The following NAALADL2 variants were observed in gnomAD, a reference collection of about 807,000 sequenced individuals.
NAALADL2 encodes the protein N-acetylated alpha-linked acidic dipeptidase like 2, also known as inactive N-acetylated-alpha-linked acidic dipeptidase-like protein 2.
NAALADL2 carries 76 observed loss-of-function variants against 87.2 expected under a neutral mutation model. The observed-to-expected ratio is 0.87, with a 90% CI of 0.72 to 1.05. NAALADL2 has a LOEUF of 1.05. Ranked by LOEUF, NAALADL2 falls within the 50% of genes least tolerant of loss-of-function variation. The pLI is 0.00. For synonymous variants in NAALADL2, 354 were observed against 331.0 expected (o/e 1.07, Z -0.75); for missense variants, 1,089 against 945.8 (o/e 1.15, Z -1.99).
chr3:175,592,476 CT>C (rs750390161), intron 10 of NAALADL2, among the ~76,000 whole-genome samples: 4 of 151,800 alleles, frequency 2.6e-5, no homozygotes, highest in Non-Finnish European at 5.9e-5. Context: ...CTGTAGTTAC[CT>C]TTTCACGACC....
chr3:175,081,830 T>C (rs555962437), intron 1 of NAALADL2, among the ~76,000 whole-genome samples: 2 of 152,194 alleles, frequency 1.3e-5, no homozygotes, highest in Non-Finnish European at 2.9e-5. Flanking sequence ...GAACCATTTA[T>C]TGTACATTTT....
chr3:175,173,215 C>G (rs1026577807), intron 2 of NAALADL2, among the ~76,000 whole-genome samples: 1 of 151,810 alleles, frequency 6.6e-6, no homozygotes, highest in African/African-American at 2.4e-5. Context: ...TGGTGTGAAC[C>G]CGGGAGGCGG....
At chr3:174,835,689 A>G (rs1723252895) in intron 3 of NAALADL2, among the ~76,000 whole-genome samples, 3 of 152,180 alleles carry the variant, frequency 2.0e-5, no homozygotes, top group Admixed American at 2.0e-4. Context: ...TTAAATGTGC[A>G]AATAAGTTGA....
intron 3 of NAALADL2, among the ~76,000 whole-genome samples, chr3:174,836,212 G>C (rs1227509475): frequency 6.6e-6 from 1 of 152,090 alleles, no homozygotes; most frequent in Non-Finnish European, 1.5e-5. Flanking sequence ...TAGTCATTAC[G>C]CAAAGTGAAA....
intron 11 of NAALADL2, among the ~76,000 whole-genome samples, chr3:175,707,200 A>G (rs1039342349): frequency 2.0e-5 from 3 of 152,130 alleles, no homozygotes; most frequent in Non-Finnish European, 4.4e-5. Flanking sequence ...TTTGTGGGCC[A>G]TGTGCTATCT....
intron 11 of NAALADL2, among the ~76,000 whole-genome samples, chr3:175,641,858 A>G (rs1729332869): frequency 6.6e-6 from 1 of 152,228 alleles, no homozygotes; most frequent in Non-Finnish European, 1.5e-5. Context: ...TAAAAAGTAC[A>G]CTTGTTTTTC....
chr3:174,915,299 T>C (rs988653426), intron 1 of NAALADL2, among the ~76,000 whole-genome samples: 1 of 152,162 alleles, frequency 6.6e-6, no homozygotes, highest in African/African-American at 2.4e-5. Context: ...GTGTTTGAGA[T>C]TACCCATGTT....
intron 5 of NAALADL2, 65 bp downstream of exon 5, chr3:175,324,390 A>T: frequency 7.9e-7 from 1 of 1,264,086 alleles, no homozygotes; most frequent in Admixed American, 2.4e-5. Context: ...ATTTATAAAT[A>T]AATGCTATCT....
intron 1 of NAALADL2, among the ~76,000 whole-genome samples, chr3:174,950,243 A>G (rs1740131106): frequency 6.6e-6 from 1 of 151,998 alleles, no homozygotes; most frequent in Non-Finnish European, 1.5e-5. Context: ...CTACAAACCT[A>G]CTGAATATGA....
In NAALADL2 at chr3:175,324,311, G is replaced by GT; in HGVS notation, c.1078dup (p.Tyr360LeufsTer6). On this transcript the variant is annotated frameshift_variant, in exon 5 of 14. Transcript: ENST00000454872. LOFTEE classifies it high-confidence loss of function. ...CCAGGAGGAGACCCTTCTACGCCTGGTTACCCAAGTGTCGGTAAGTTTGTT... is the reference window on the plus strand; with the variant it reads ...CCAGGAGGAGACCCTTCTACGCCTGGTTTACCCAAGTGTCGGTAAGTTTGTT... 1 of 1,610,736 alleles carries GT rather than the reference G, an allele frequency of 6.2e-7. No individual in the cohort carries two copies.
At chr3:175,258,994 A>G (rs531295327) in intron 4 of NAALADL2, among the ~76,000 whole-genome samples, 1 of 152,288 alleles carries the variant, frequency 6.6e-6, no homozygotes, top group Non-Finnish European at 1.5e-5. Context: ...GCCACTTGTA[A>G]TGGTGACTCA....
intron 3 of NAALADL2, among the ~76,000 whole-genome samples, chr3:174,848,916 T>C (rs1221976168): frequency 6.6e-6 from 1 of 152,190 alleles, no homozygotes; most frequent in Non-Finnish European, 1.5e-5. Flanking sequence ...AGCCTATTGC[T>C]CCTAGGCTGT....
In NAALADL2 at chr3:174,711,108, G is replaced by T. The variant is rs138187094; in HGVS notation, c.-114-26533G>T. ...TATGTCCCCATGTTTTCCTCTTGGG[G>T]GAAAACTGGCTGTAGGAACTCTGGT... On this transcript the variant is annotated intron_variant, in intron 2 of 3. Transcript: ENST00000434257. Among the ~76,000 whole-genome samples the T allele has an allele frequency of 1.3e-3, 200 of 152,224 alleles. No homozygotes were observed. In the East Asian group the frequency reaches 0.033, roughly 25 times the overall value.
At chr3:175,786,494 G>A (rs1751982224) in intron 13 of NAALADL2, among the ~76,000 whole-genome samples, 1 of 151,976 alleles carries the variant, frequency 6.6e-6, no homozygotes. Context: ...GATCGCATCA[G>A]CTCCTGAGGC....
intron 11 of NAALADL2, among the ~76,000 whole-genome samples, chr3:175,653,236 A>T (rs1008287080): frequency 9.2e-5 from 14 of 152,202 alleles, no homozygotes; most frequent in Non-Finnish European, 1.8e-4. Context: ...GCAAAAAAAA[A>T]ATCAGTGTAA....
chr3:174,941,111 T>G lies in NAALADL2; in HGVS notation c.43+81661T>G, dbSNP rs146912744. The stretch of plus-strand genomic sequence containing the variant: ...TTGATGTTAGGTTGTTAATTTGAGA[T>G]CTTTCTAACTTTTTGATGTGGGCAT... On this transcript the variant is annotated intron_variant, in intron 1 of 13. Coordinates refer to ENST00000454872, the MANE Select transcript of NAALADL2 (RefSeq NM_207015.3). Among the ~76,000 whole-genome samples, 770 of 152,224 alleles carry G rather than the reference T, an allele frequency of 5.1e-3. 12 individuals carry two copies. Among genetic ancestry groups the G allele is most frequent in the African/African-American group, 0.018 (732 of 41,552 alleles).
At chr3:174,660,300 C>T (rs1379746820) in intron 2 of NAALADL2, among the ~76,000 whole-genome samples, 1 of 152,066 alleles carries the variant, frequency 6.6e-6, no homozygotes, top group Non-Finnish European at 1.5e-5. Flanking sequence ...TGACAAAATG[C>T]AATTTTCACT....
At chr3:174,652,507 C>T (rs768873578) in intron 2 of NAALADL2, among the ~76,000 whole-genome samples, 12 of 152,158 alleles carry the variant, frequency 7.9e-5, no homozygotes, top group Non-Finnish European at 1.3e-4. Flanking sequence ...GCATGTCTTA[C>T]ATGGCAGCAG....
intron 3 of NAALADL2, among the ~76,000 whole-genome samples, chr3:174,749,211 T>C (rs9850617): frequency 0.098 from 14,856 of 152,200 alleles, 829 homozygotes; most frequent in African/African-American, 0.14. Context: ...TCTTTCCATA[T>C]GTCATTAAAA....
Sources: gnomAD v4.1 joint callset for allele counts (sites outside exome capture counted in the v4.1 genomes callset) on GRCh38, gnomAD v4.1.1 for gene constraint, MANE v1.5 for transcripts, NCBI Gene and HGNC (gene_info 2026-07-23, HGNC 2026-07-21) for gene names.